TMPRSS2: variants seen among roughly 807,000 people sequenced by gnomAD.
The protein encoded by TMPRSS2 is transmembrane serine protease 2.
In TMPRSS2, 59 loss-of-function variants were observed where a neutral mutation model predicts 67.4. The observed-to-expected ratio is 0.88, with a 90% confidence interval of 0.71 to 1.09. The LOEUF (loss-of-function observed/expected upper bound fraction) is 1.09. Among genes scored for constraint, TMPRSS2 ranks in the 50% least tolerant of loss-of-function variants. The probability of loss-of-function intolerance (pLI) is 0.00; values close to 1 mark genes in which losing one functional copy is unlikely to be tolerated. For synonymous variants in TMPRSS2, 257 were observed against 257.0 expected, an observed-to-expected ratio of 1.00 and a Z score of 0.00; for missense variants, 668 against 642.7, an observed-to-expected ratio of 1.04 and a Z score of -0.43.
At chr21:41,482,469 A>G (rs989679756) in intron 5 of TMPRSS2, among the ~76,000 whole-genome samples, 1 of 152,268 alleles carries the variant, frequency 6.6e-6, no homozygotes, top group African/African-American at 2.4e-5. Context: ...CAAAGCTGAA[A>G]GCATGGAAAC....
chr21:41,499,099 A>G (rs1447495107), intron 1 of TMPRSS2, among the ~76,000 whole-genome samples: 2 of 152,198 alleles, frequency 1.3e-5, no homozygotes, highest in African/African-American at 4.8e-5. Flanking sequence ...TAATAGATAC[A>G]TACGCTTAAA....
rs2146431523 is a variant in TMPRSS2 at position 41,473,435 on chromosome 21, G to C, written c.789C>G (p.Leu263=). 1 of 1,610,406 alleles carries C rather than the reference G, an allele frequency of 6.2e-7. No homozygotes were observed. The highest frequency in any genetic ancestry group is 8.5e-7 in the Non-Finnish European group (1 of 1,179,144). Residue 263 remains leucine, a synonymous_variant, in exon 9 of 14, where the codon CTC becomes CTG. Transcript: ENST00000332149. ...QSRIVGGESA[L]PGAWPWQVSL... is the part of the protein sequence containing the mutation. ...TGACCTGCCAGGGCCAGGCCCCCGG[G>C]AGCGCGCTCTCGCCGCCCACAATCC... is the stretch of plus-strand genomic sequence containing the variant.
At chr21:41,507,783 C>G (rs1375210334) in intron 1 of TMPRSS2, among the ~76,000 whole-genome samples, 1 of 152,180 alleles carries the variant, frequency 6.6e-6, no homozygotes, top group African/African-American at 2.4e-5. Flanking sequence ...CACCAACTGG[C>G]TAGGGACTCG....
intron 10 of TMPRSS2, 42 bp from the exon 11 acceptor site, chr21:41,470,785 A>AAGG: frequency 1.2e-5 from 4 of 326,678 alleles, no homozygotes; most frequent in Non-Finnish European, 2.2e-5. Context: ...GGCGGGTATC[A>AAGG]CCTATGTCTC....
intron 2 of TMPRSS2, among the ~76,000 whole-genome samples, chr21:41,495,529 G>A (rs1437380990): frequency 6.6e-6 from 1 of 151,826 alleles, no homozygotes; most frequent in Non-Finnish European, 1.5e-5. Context: ...GGAGGCCGAG[G>A]CGGGAGAATT....
chr21:41,507,100 G>C (rs1333437341), intron 1 of TMPRSS2, among the ~76,000 whole-genome samples: 1 of 152,232 alleles, frequency 6.6e-6, no homozygotes, highest in African/African-American at 2.4e-5. Context: ...GCTCTACGGC[G>C]GAGCGGGCGA....
chr21:41,475,823 G>A (rs2091207941), intron 8 of TMPRSS2, among the ~76,000 whole-genome samples: 1 of 151,764 alleles, frequency 6.6e-6, no homozygotes, highest in Admixed American at 6.5e-5. Context: ...GAGTGCATGG[G>A]CAGAGGGCAG....
chr21:41,503,849 A>G (rs2091439303), intron 1 of TMPRSS2, among the ~76,000 whole-genome samples: 1 of 152,202 alleles, frequency 6.6e-6, no homozygotes, highest in Non-Finnish European at 1.5e-5. Context: ...GTGAACTTGA[A>G]AATGTCAGCA....
chr21:41,500,086 G>A (rs915665058), intron 1 of TMPRSS2, among the ~76,000 whole-genome samples: 2 of 152,062 alleles, frequency 1.3e-5, no homozygotes, highest in African/African-American at 2.4e-5. Flanking sequence ...ACTGGGCAGC[G>A]GTTCAGCCCC....
At position 41,466,095 on chromosome 21, in the gene TMPRSS2, C is replaced by A. The variant is rs200164183; in HGVS notation, c.*47G>T. On this transcript the variant is annotated 3_prime_UTR_variant, in exon 14 of 14. Transcript: ENST00000332149. ...TCATGCACGGGGAAGCAAAACCAGCCCCATTGTTTTCTTGTAAAACGACGT... is the reference window on the plus strand; with the variant it reads ...TCATGCACGGGGAAGCAAAACCAGCACCATTGTTTTCTTGTAAAACGACGT... 6.2e-7 allele frequency: 1 copy of A among 1,612,118 alleles called. No individual in the cohort carries two copies. The highest frequency in any genetic ancestry group is 1.1e-5 in the South Asian group (1 of 90,826).
intron 3 of TMPRSS2, among the ~76,000 whole-genome samples, chr21:41,492,700 T>C (rs1195079051): frequency 6.6e-6 from 1 of 152,246 alleles, no homozygotes; most frequent in Non-Finnish European, 1.5e-5. Flanking sequence ...TAAAAGCAAC[T>C]GATAAGGGAC....
intron 5 of TMPRSS2, among the ~76,000 whole-genome samples, chr21:41,484,138 T>C (rs182231135): frequency 6.6e-6 from 1 of 152,284 alleles, no homozygotes; most frequent in Admixed American, 6.5e-5. Flanking sequence ...CAATTGTACA[T>C]GTTTAATGTG....
chr21:41,499,300 C>T (rs372249693), intron 1 of TMPRSS2, among the ~76,000 whole-genome samples: 1 of 152,170 alleles, frequency 6.6e-6, no homozygotes, highest in African/African-American at 2.4e-5. Flanking sequence ...ACACGAAATG[C>T]TGTATAGTAA....
At chr21:41,502,030 A>G (rs1056627890) in intron 1 of TMPRSS2, among the ~76,000 whole-genome samples, 8 of 152,166 alleles carry the variant, frequency 5.3e-5, no homozygotes, top group Non-Finnish European at 1.2e-4. Flanking sequence ...TCTTCCTTCA[A>G]TACAGACAGT....
At chr21:41,493,286 C>A (rs1443486899) in intron 3 of TMPRSS2, among the ~76,000 whole-genome samples, 2 of 152,068 alleles carry the variant, frequency 1.3e-5, no homozygotes, top group African/African-American at 2.4e-5. Flanking sequence ...GGAATTAAGG[C>A]TCATGAAGGG....
chr21:41,498,309 C>T lies in TMPRSS2; in HGVS notation c.-56-120G>A, dbSNP rs907291026. The T allele has an allele frequency of 7.7e-6, 5 of 650,484 alleles. No individual in the cohort carries two copies. The Admixed American group carries it at 8.6e-5, about 11-fold the overall frequency. The allele number at this position is 650,484 out of a possible 1,614,324, so 40.3% of individuals were successfully genotyped here. ...TTACCTACAACAAAGACCAGTGTTG[C>T]CTGCTGACCTTTGGCCTGCATCTTC... On this transcript the variant is annotated intron_variant, in intron 1 of 13. Coordinates refer to ENST00000332149, the MANE Select transcript of TMPRSS2 (RefSeq NM_005656.4).
chr21:41,505,691 G>A (rs1417476541), intron 1 of TMPRSS2, among the ~76,000 whole-genome samples: 2 of 152,192 alleles, frequency 1.3e-5, no homozygotes, highest in African/African-American at 4.8e-5. Flanking sequence ...CCAGGAACAA[G>A]CCCTTTTCAA....
chr21:41,471,745 T>A, intron 10 of TMPRSS2, 61 bp downstream of exon 10: 1 of 1,513,716 alleles, frequency 6.6e-7, no homozygotes, highest in Non-Finnish European at 8.9e-7. Context: ...CAAGTGTCAT[T>A]TCCAATCAAC....
intron 1 of TMPRSS2, among the ~76,000 whole-genome samples, chr21:41,506,160 A>G (rs1401504074): frequency 6.6e-6 from 1 of 152,340 alleles, no homozygotes; most frequent in South Asian, 2.1e-4. Flanking sequence ...GCCAGCACCT[A>G]GCAACCTGGG....
Sources: allele counts gnomAD v4.1 joint callset (sites outside exome capture counted in the v4.1 genomes callset), GRCh38; gene constraint gnomAD v4.1.1; transcripts MANE v1.5; gene names NCBI Gene and HGNC (gene_info 2026-07-23, HGNC 2026-07-21).